Variants in PCDH15 observed in about 807,000 individuals in gnomAD.
The protein encoded by PCDH15 is protocadherin related 15, also known as protocadherin-15.
Under a neutral mutation model 178.5 loss-of-function variants are expected in PCDH15, and 129 were observed. The observed-to-expected ratio is 0.72, with a 90% CI of 0.63 to 0.84. PCDH15 has a LOEUF of 0.84. PCDH15 is among the 40% of genes least tolerant of loss of function. The probability of loss-of-function intolerance (pLI) is 0.00; values close to 1 mark genes in which losing one functional copy is unlikely to be tolerated. For missense variants in PCDH15, 2,230 were observed against 2,099.9 expected, an observed-to-expected ratio of 1.06 and a Z score of -1.21; for synonymous variants, 800 against 732.0, an observed-to-expected ratio of 1.09 and a Z score of -1.50.
upstream of PCDH15, among the ~76,000 whole-genome samples, chr10:55,319,943 G>A (rs1227218165): frequency 6.6e-6 from 1 of 152,056 alleles, no homozygotes; most frequent in Non-Finnish European, 1.5e-5. Flanking sequence ...AACAGAGCAG[G>A]GTGATCTTGC....
intron 2 of PCDH15, among the ~76,000 whole-genome samples, chr10:54,998,509 T>G (rs917930057): frequency 1.3e-5 from 2 of 152,134 alleles, no homozygotes; most frequent in Admixed American, 1.3e-4. Context: ...AAAAAAAAAT[T>G]GAAAATGTTT....
intron 21 of PCDH15, among the ~76,000 whole-genome samples, chr10:53,967,065 T>A (rs2134376099): frequency 6.6e-6 from 1 of 152,240 alleles, no homozygotes; most frequent in East Asian, 1.9e-4. Flanking sequence ...CATCTTGAAT[T>A]GCAGTTCTCA....
chr10:55,161,586 T>G (rs1839068542), intron 2 of PCDH15, among the ~76,000 whole-genome samples: 1 of 152,138 alleles, frequency 6.6e-6, no homozygotes, highest in Non-Finnish European at 1.5e-5. Context: ...ATAGAAAAAC[T>G]TTGCAAACTG....
intron 13 of PCDH15, among the ~76,000 whole-genome samples, chr10:54,177,275 C>G (rs10763080): frequency 0.44 from 66,401 of 151,620 alleles, 16,235 homozygotes; most frequent in African/African-American, 0.64. Flanking sequence ...GGGAAGGAAG[C>G]AAGCAAGGGG....
intron 1 of PCDH15, among the ~76,000 whole-genome samples, chr10:55,175,877 G>A (rs780940914): frequency 5.3e-5 from 8 of 151,934 alleles, no homozygotes; most frequent in Admixed American, 2.6e-4. Flanking sequence ...ACTGCTATAC[G>A]TGTGGCAGCC....
At chr10:54,067,470 G>A (rs1331816575) in intron 17 of PCDH15, among the ~76,000 whole-genome samples, 3 of 152,142 alleles carry the variant, frequency 2.0e-5, no homozygotes, top group Non-Finnish European at 4.4e-5. Context: ...ATGGTATGCA[G>A]GTAAACCTAC....
chr10:53,951,868 G>A (rs1007205029), intron 23 of PCDH15, among the ~76,000 whole-genome samples: 5 of 152,168 alleles, frequency 3.3e-5, no homozygotes, highest in African/African-American at 9.7e-5. Context: ...GTGAGTGTGG[G>A]GTCCACCACT....
chr10:54,911,560 G>C (rs182224282), intron 2 of PCDH15, among the ~76,000 whole-genome samples: 5 of 152,224 alleles, frequency 3.3e-5, no homozygotes, highest in Non-Finnish European at 7.4e-5. Flanking sequence ...TTAACTTTTT[G>C]CCAAATGTTT....
At chr10:55,406,229 C>G (rs1014778565) in intron 2 of PCDH15, among the ~76,000 whole-genome samples, 2 of 151,436 alleles carry the variant, frequency 1.3e-5, no homozygotes, top group African/African-American at 4.9e-5. Context: ...TAGCTTTTAC[C>G]AAGAGTGAAA....
chr10:55,359,897 A>G (rs933735142), intron 2 of PCDH15, among the ~76,000 whole-genome samples: 7 of 151,808 alleles, frequency 4.6e-5, no homozygotes, highest in Non-Finnish European at 1.0e-4. Flanking sequence ...ACACAAAGAC[A>G]AATAGCTCAG....
chr10:55,520,012 G>T (rs1355898148), intron 2 of PCDH15, among the ~76,000 whole-genome samples: 1 of 145,642 alleles, frequency 6.9e-6, no homozygotes, highest in Non-Finnish European at 1.5e-5. Flanking sequence ...AGAATGACAT[G>T]TTTATAAGGC....
intron 2 of PCDH15, among the ~76,000 whole-genome samples, chr10:54,636,370 T>A (rs1277046423): frequency 6.6e-6 from 1 of 151,960 alleles, no homozygotes; most frequent in Non-Finnish European, 1.5e-5. Flanking sequence ...AGATAATCAC[T>A]TTCCCATAGG....
At chr10:53,992,025 C>T (rs1371187381) in intron 21 of PCDH15, among the ~76,000 whole-genome samples, 2 of 152,010 alleles carry the variant, frequency 1.3e-5, no homozygotes, top group Non-Finnish European at 2.9e-5. Context: ...CTGCTGCTTA[C>T]TGTTTGGGTC....
chr10:55,160,572 G>C (rs1839038328), intron 2 of PCDH15, among the ~76,000 whole-genome samples: 1 of 151,766 alleles, frequency 6.6e-6, no homozygotes, highest in Admixed American at 6.6e-5. Context: ...GGGCAAATGG[G>C]CCCCTCTCAA....
chr10:54,780,509 T>G (rs1950253141), intron 1 of PCDH15, among the ~76,000 whole-genome samples: 1 of 152,066 alleles, frequency 6.6e-6, no homozygotes, highest in Admixed American at 6.6e-5. Context: ...ATTCTTTATA[T>G]TTTTCACTAA....
chr10:55,164,751 G>T (rs1839153721), intron 2 of PCDH15, among the ~76,000 whole-genome samples: 1 of 152,004 alleles, frequency 6.6e-6, no homozygotes. Context: ...TGTTTTTCAT[G>T]ACTACCATTT....
At chr10:54,089,357 C>T (rs1401682990) in intron 16 of PCDH15, among the ~76,000 whole-genome samples, 1 of 152,198 alleles carries the variant, frequency 6.6e-6, no homozygotes, top group Non-Finnish European at 1.5e-5. Context: ...AAACCAGCCA[C>T]ATGTGACAGC....
At chr10:55,344,159 C>G (rs932223164) in intron 2 of PCDH15, among the ~76,000 whole-genome samples, 2 of 151,980 alleles carry the variant, frequency 1.3e-5, no homozygotes, top group African/African-American at 4.8e-5. Flanking sequence ...GTGTGCTTGG[C>G]AATATTCAAG....
At chr10:55,212,127 G>C (rs567702451) in intron 1 of PCDH15, among the ~76,000 whole-genome samples, 9 of 152,124 alleles carry the variant, frequency 5.9e-5, no homozygotes, top group Admixed American at 5.9e-4. Flanking sequence ...TAAAGAAATG[G>C]GCAACATGGT....
Sources: gnomAD v4.1 joint callset for allele counts (sites outside exome capture counted in the v4.1 genomes callset) on GRCh38, gnomAD v4.1.1 for gene constraint, MANE v1.5 for transcripts, NCBI Gene and HGNC (gene_info 2026-07-23, HGNC 2026-07-21) for gene names.